CDH22: variants seen among roughly 807,000 people sequenced by gnomAD.
The protein encoded by CDH22 is cadherin 22, also known as cadherin-22.
Under a neutral mutation model 58.4 loss-of-function variants are expected in CDH22, and 30 were observed. The ratio of observed to expected loss-of-function variants is 0.51; its 90% CI spans 0.38 to 0.70. The LOEUF is 0.70. Ranked by LOEUF, CDH22 falls within the 30% of genes least tolerant of loss-of-function variation. The probability of loss-of-function intolerance (pLI) is 0.00; values close to 1 mark genes in which losing one functional copy is unlikely to be tolerated. For synonymous variants in CDH22, 513 were observed against 558.2 expected (o/e 0.92, Z 1.14); for missense variants, 1,014 against 1,233.9 (o/e 0.82, Z 2.67).
intron 1 of CDH22, among the ~76,000 whole-genome samples, chr20:46,263,430 G>A (rs796899958): frequency 8.3e-5 from 11 of 131,940 alleles, no homozygotes; most frequent in Non-Finnish European, 1.0e-4. Context: ...GTGTGTGTGC[G>A]TGTGTGTGCA....
intron 3 of CDH22, 65 bp from the exon 4 acceptor site, chr20:46,227,692 G>A (rs1015542270): frequency 3.9e-6 from 6 of 1,542,684 alleles, no homozygotes; most frequent in Admixed American, 1.9e-5. Context: ...CCCCCACTTC[G>A]CCTCACCCCA....
At chr20:46,197,294 G>GTATATATATATATATATATATA (rs2085911721) in intron 8 of CDH22, among the ~76,000 whole-genome samples, 1 of 130,830 alleles carries the variant, frequency 7.6e-6, no homozygotes, top group African/African-American at 3.0e-5. Flanking sequence ...ATCTAGGCCA[G>GTATATATATATATATATATATA]GATATATATA....
intron 7 of CDH22, among the ~76,000 whole-genome samples, chr20:46,202,486 T>G (rs897860541): frequency 6.6e-5 from 10 of 152,050 alleles, no homozygotes; most frequent in African/African-American, 2.4e-4. Context: ...CCTGAGTAGC[T>G]GGGACTACAG....
intron 8 of CDH22, among the ~76,000 whole-genome samples, chr20:46,194,125 A>G (rs1380943392): frequency 1.3e-5 from 2 of 152,174 alleles, no homozygotes; most frequent in East Asian, 3.9e-4. Context: ...CCGCGACCCC[A>G]TGACTTTCAC....
chr20:46,229,921 C>T (rs1036029566), intron 3 of CDH22, among the ~76,000 whole-genome samples: 3 of 152,140 alleles, frequency 2.0e-5, no homozygotes, highest in South Asian at 2.1e-4. Context: ...TGAGCTCTCT[C>T]TCTCCCTGGC....
In CDH22 at chr20:46,251,428, G is replaced by T; in HGVS notation, c.-134C>A. The T allele has an allele frequency of 1.8e-6, 2 of 1,091,288 alleles. No individual in the cohort carries two copies. The highest frequency in any genetic ancestry group is 2.4e-6 in the Non-Finnish European group (2 of 841,028). 67.6% of individuals were successfully genotyped at this position (1,091,288 alleles called of 1,614,324 possible). On this transcript the variant is annotated 5_prime_UTR_variant, in exon 2 of 12. Coordinates refer to ENST00000537909, the MANE Select transcript of CDH22 (RefSeq NM_021248.3). This position sits in a 1 kb window ranked among gnomAD's most constrained non-coding sequence, Gnocchi z 6.7. ...GGCCGCCGGGATGTCGCCCCCGACG[G>T]GGCACCCGGACGGGCCCGCGGCCCT...
At position 46,267,243 on chromosome 20, in the gene CDH22, G is replaced by A. The variant is rs541494543; in HGVS notation, c.-399-15550C>T. On this transcript the variant is annotated intron_variant, in intron 1 of 11. Coordinates refer to ENST00000537909, the MANE Select transcript of CDH22 (RefSeq NM_021248.3). ...CTAGCAGATTCTGATGTTGGCCTGA[G>A]AGCCTCTGGAGCAGGTGGTCCACAA... is the stretch of plus-strand genomic sequence containing the variant. Among the ~76,000 whole-genome samples the A allele has an allele frequency of 2.6e-5, 4 of 152,190 alleles. No individual in the cohort carries two copies. The East Asian group carries it at 7.7e-4, about 29-fold the overall frequency.
At chr20:46,278,918 A>T (rs1308236836) in intron 1 of CDH22, among the ~76,000 whole-genome samples, 1 of 152,184 alleles carries the variant, frequency 6.6e-6, no homozygotes, top group Non-Finnish European at 1.5e-5. Flanking sequence ...TGGGTCCGGA[A>T]TGGCCCAGTT....
chr20:46,175,517 C>T lies in CDH22; in HGVS notation c.1916-440G>A, dbSNP rs567010467. ...CCCTGACCTCTCTTTCACCCTCACC[C>T]TCCTCTGCCACACCAGAAGTCTTGA... On this transcript the variant is annotated intron_variant, in intron 11 of 11. Transcript: ENST00000537909. Among the ~76,000 whole-genome samples the T allele has an allele frequency of 4.6e-5, 7 of 152,314 alleles. No individual in the cohort carries two copies. The South Asian group carries it at 1.5e-3, about 32-fold the overall frequency.
intron 7 of CDH22, among the ~76,000 whole-genome samples, chr20:46,199,889 CTTTCT>C (rs997135587): frequency 8.7e-4 from 133 of 152,292 alleles, no homozygotes; most frequent in African/African-American, 1.8e-3. Context: ...ATACTCTCTT[CTTTCT>C]TTTCTTTTCT....
intron 2 of CDH22, among the ~76,000 whole-genome samples, chr20:46,246,903 T>G (rs982383464): frequency 6.6e-6 from 1 of 151,862 alleles, no homozygotes; most frequent in Admixed American, 6.6e-5. Context: ...GAGAGCGTGG[T>G]ATGAGAGTGT....
chr20:46,174,082 AG>A lies in CDH22; in HGVS notation c.*423del. On this transcript the variant is annotated 3_prime_UTR_variant, in exon 12 of 12. Transcript: ENST00000537909. The surrounding 1 kb of genome is among the most constrained non-coding windows in gnomAD (Gnocchi z 4.4). ...TCTGTACAGCGTCCCAGCACACAGT[AG>A]GTGCTTAGTAAGTGAACAGCCTTCT... is the stretch of plus-strand genomic sequence containing the variant. The A allele has an allele frequency of 4.9e-6, 1 of 204,470 alleles. No individual in the cohort carries two copies. Among genetic ancestry groups the A allele is most frequent in the Admixed American group, 6.3e-5 (1 of 15,996 alleles). The allele number at this position is 204,470 out of a possible 1,614,324, so 12.7% of individuals were successfully genotyped here. A position where few individuals can be genotyped will look rare whatever the true frequency, so the allele number is the denominator to read the frequency against.
At chr20:46,193,389 A>ACCTGCCCTGGT (rs1271387395) in intron 8 of CDH22, among the ~76,000 whole-genome samples, 1 of 151,806 alleles carries the variant, frequency 6.6e-6, no homozygotes, top group African/African-American at 2.4e-5. Flanking sequence ...GCTCCCAACC[A>ACCTGCCCTGGT]CCTGCCCTGG....
At chr20:46,223,662 T>TTTCC (rs1370293855) in intron 4 of CDH22, among the ~76,000 whole-genome samples, 10 of 129,688 alleles carry the variant, frequency 7.7e-5, no homozygotes, top group African/African-American at 1.4e-4. Context: ...TTTCTTTTTC[T>TTTCC]TTCCTTCTTT....
intron 1 of CDH22, among the ~76,000 whole-genome samples, chr20:46,285,774 A>G (rs2086574011): frequency 6.6e-6 from 1 of 152,214 alleles, no homozygotes; most frequent in Admixed American, 6.5e-5. Flanking sequence ...TGACACATAT[A>G]CATTGTGCTC....
At chr20:46,291,778 C>T (rs572217318) in intron 1 of CDH22, among the ~76,000 whole-genome samples, 1 of 152,358 alleles carries the variant, frequency 6.6e-6, no homozygotes, top group East Asian at 1.9e-4. Flanking sequence ...ACTCTTGTGG[C>T]CATATCTGAT....
intron 4 of CDH22, among the ~76,000 whole-genome samples, chr20:46,217,578 C>T (rs1055122567): frequency 6.6e-6 from 1 of 152,174 alleles, no homozygotes; most frequent in Non-Finnish European, 1.5e-5. Flanking sequence ...CAGACTCACA[C>T]AGAATTACAT....
At chr20:46,276,824 C>CCG (rs906847754) in intron 1 of CDH22, among the ~76,000 whole-genome samples, 13 of 81,590 alleles carry the variant, frequency 1.6e-4, no homozygotes, top group African/African-American at 5.2e-4. Context: ...GATGCCAGAT[C>CCG]CACAGAGTGT....
intron 1 of CDH22, among the ~76,000 whole-genome samples, chr20:46,274,813 A>C (rs1211009740): frequency 3.5e-5 from 5 of 143,472 alleles, no homozygotes; most frequent in Non-Finnish European, 7.6e-5. Context: ...ATGTGCAATG[A>C]AATGAGCCAG....
Sources: gnomAD v4.1 joint callset for allele counts (sites outside exome capture counted in the v4.1 genomes callset) on GRCh38, gnomAD v4.1.1 for gene constraint, Gnocchi (gnomAD v3.1) non-coding constraint, MANE v1.5 for transcripts, NCBI Gene and HGNC (gene_info 2026-07-23, HGNC 2026-07-21) for gene names.